Variants in CELF4 observed in about 807,000 individuals in gnomAD.
The protein encoded by CELF4 is CUG-BP- and ETR-3-like factor 4.
Under a neutral mutation model 59.9 loss-of-function variants are expected in CELF4, and 18 were observed. The observed-to-expected ratio is 0.30, with a 90% confidence interval of 0.21 to 0.45. The LOEUF is 0.45. CELF4 is among the 20% of genes least tolerant of loss of function. The pLI is 1.00. For missense variants in CELF4, 456 were observed against 689.0 expected (o/e 0.66, Z 3.79); for synonymous variants, 261 against 267.1 (o/e 0.98, Z 0.22).
At chr18:37,483,044 GTCCCCCTCTGTC>G (rs2154603083) in intron 2 of CELF4, among the ~76,000 whole-genome samples, 2 of 152,210 alleles carry the variant, frequency 1.3e-5, no homozygotes, top group South Asian at 4.1e-4. Context: ...ACAAGAAGAA[GTCCCCCTCTGTC>G]TCTCACCGAA....
chr18:37,354,059 G>T (rs1483714207), intron 2 of CELF4, among the ~76,000 whole-genome samples: 1 of 151,970 alleles, frequency 6.6e-6, no homozygotes, highest in East Asian at 1.9e-4. Flanking sequence ...CTGGCCTGTG[G>T]GGGGACCAGT....
rs573058319 is a variant in CELF4, at chr18:37,477,104, C to T, written c.369+8421G>A. Reference sequence around the variant, plus strand: ...GGAAATGCCAAGGCCAGCAAGGTCGCTCAGCAGATGGGGAGCTGCCTCCCT... The same window carrying T: ...GGAAATGCCAAGGCCAGCAAGGTCGTTCAGCAGATGGGGAGCTGCCTCCCT... On this transcript the variant is annotated intron_variant, in intron 2 of 12. Transcript: ENST00000420428. Among the ~76,000 whole-genome samples, 13 of 152,356 alleles carry T rather than the reference C, an allele frequency of 8.5e-5. No homozygotes were observed. The East Asian group carries it at 2.5e-3, about 29-fold the overall frequency.
At chr18:37,564,685 G>A (rs961190442) in intron 1 of CELF4, among the ~76,000 whole-genome samples, 1 of 151,946 alleles carries the variant, frequency 6.6e-6, no homozygotes, top group African/African-American at 2.4e-5. Flanking sequence ...GGGATGGCTG[G>A]TTCCTTGCTA....
rs146640832 is a variant in CELF4 at position 37,328,661 on chromosome 18, C to T, written c.370-6780G>A. Among the ~76,000 whole-genome samples, 1,085 of 152,344 alleles carry T rather than the reference C, an allele frequency of 7.1e-3. 7 individuals are homozygous for T. The highest frequency in any genetic ancestry group is 0.01 in the Non-Finnish European group (696 of 68,018). The stretch of plus-strand genomic sequence containing the variant: ...CAGTCCTTGCCCACCTACTTGTGGA[C>T]GCGCTTGTGTGGACTTGGCCCTGCT... On this transcript the variant is annotated intron_variant, in intron 2 of 12. Transcript: ENST00000420428.
rs2060867906 is a variant in CELF4, at chr18:37,243,192, T to TTTTTTTTTTTTTTTTTTTTTG, written c.*2049_*2050insCAAAAAAAAAAAAAAAAAAAA. On this transcript the variant is annotated 3_prime_UTR_variant, in exon 13 of 13. Transcript: ENST00000420428. ...CTTTTTTTTTTCTTTTTTTCTTTTT[T>TTTTTTTTTTTTTTTTTTTTTG]TTTTTTTTTTTTTTACATCTGGACA... 1 of 147,188 alleles carries TTTTTTTTTTTTTTTTTTTTTG rather than the reference T, an allele frequency of 6.8e-6. No individual in the cohort carries two copies. Among genetic ancestry groups the TTTTTTTTTTTTTTTTTTTTTG allele is most frequent in the Non-Finnish European group, 1.5e-5 (1 of 66,790 alleles). The allele number at this position is 147,188 out of a possible 1,614,324, so 9.1% of individuals were successfully genotyped here.
In CELF4 at chr18:37,349,934, G is replaced by C. The variant is rs543890059; in HGVS notation, c.370-28053C>G. Among the ~76,000 whole-genome samples, 7 of 152,286 alleles carry C rather than the reference G, an allele frequency of 4.6e-5. No homozygotes were observed. In the East Asian group the frequency reaches 1.4e-3, roughly 29 times the overall value. The stretch of plus-strand genomic sequence containing the variant: ...TTCACAGGGCAAGGGATGGGTGAGG[G>C]GAGAGGCAAGCGGTGGCCCCTCGAT... On this transcript the variant is annotated intron_variant, in intron 2 of 12. Coordinates refer to ENST00000420428, the MANE Select transcript of CELF4 (RefSeq NM_020180.4).
At chr18:37,466,903 T>G (rs563241312) in intron 2 of CELF4, among the ~76,000 whole-genome samples, 1 of 152,198 alleles carries the variant, frequency 6.6e-6, no homozygotes, top group East Asian at 1.9e-4. Context: ...CATAGGAGGA[T>G]GCCAGGCAAA....
In CELF4 at chr18:37,447,581, C is replaced by T. The variant is rs142226494; in HGVS notation, c.369+37944G>A. Among the ~76,000 whole-genome samples the T allele has an allele frequency of 2.6e-3, 394 of 152,326 alleles. 8 individuals are homozygous for T. In the East Asian group the frequency reaches 0.047, roughly 18 times the overall value. ...CTCGCTCCCCAGCCTCCAGGAGCTC[C>T]CCAGGGGCCCTGGCCCACCCAGCAC... On this transcript the variant is annotated intron_variant, in intron 2 of 12. Transcript: ENST00000420428.
At chr18:37,353,863 C>T (rs1430774130) in intron 2 of CELF4, among the ~76,000 whole-genome samples, 5 of 151,272 alleles carry the variant, frequency 3.3e-5, no homozygotes, top group Non-Finnish European at 7.4e-5. Flanking sequence ...TTCCCGCCAT[C>T]CTCCTGCCTC....
intron 2 of CELF4, among the ~76,000 whole-genome samples, chr18:37,407,443 C>G (rs2099397072): frequency 6.6e-6 from 1 of 152,052 alleles, no homozygotes; most frequent in Admixed American, 6.5e-5. Flanking sequence ...TTAATAAAGT[C>G]CAGTAGTGTG....
At chr18:37,331,487 T>A (rs2097540999) in intron 2 of CELF4, among the ~76,000 whole-genome samples, 2 of 152,048 alleles carry the variant, frequency 1.3e-5, no homozygotes, top group Non-Finnish European at 2.9e-5. Context: ...GATAATGATA[T>A]GGCGGGGATT....
At chr18:37,338,790 GT>G (rs1200796161) in intron 2 of CELF4, among the ~76,000 whole-genome samples, 2 of 151,068 alleles carry the variant, frequency 1.3e-5, no homozygotes, top group African/African-American at 4.9e-5. Context: ...GTGTGTGTGT[GT>G]GTGGTGTGTG....
intron 2 of CELF4, among the ~76,000 whole-genome samples, chr18:37,335,074 C>A (rs1245812550): frequency 6.7e-6 from 1 of 149,896 alleles, no homozygotes; most frequent in African/African-American, 2.4e-5. Context: ...TGAGCCTGCA[C>A]CGCCAGCTCG....
At chr18:37,500,875 T>C (rs2099931035) in intron 1 of CELF4, among the ~76,000 whole-genome samples, 1 of 152,212 alleles carries the variant, frequency 6.6e-6, no homozygotes, top group South Asian at 2.1e-4. Context: ...AAGCTGAATG[T>C]ACCCCAGCCC....
chr18:37,560,254 A>C (rs1460740109), intron 1 of CELF4, among the ~76,000 whole-genome samples: 2 of 152,236 alleles, frequency 1.3e-5, no homozygotes, highest in Non-Finnish European at 2.9e-5. Context: ...ATATACGTGC[A>C]TATGTGCATG....
At chr18:37,411,301 G>A (rs1385274157) in intron 2 of CELF4, among the ~76,000 whole-genome samples, 1 of 152,162 alleles carries the variant, frequency 6.6e-6, no homozygotes, top group Admixed American at 6.5e-5. Context: ...TTTATTCAGA[G>A]TTCAGAAGTC....
chr18:37,329,394 G>A (rs542512578), intron 2 of CELF4, among the ~76,000 whole-genome samples: 113 of 152,334 alleles, frequency 7.4e-4, no homozygotes, highest in Middle Eastern at 6.8e-3. Flanking sequence ...CTGAGAAGTC[G>A]AGCCAGACAT....
chr18:37,427,868 C>A (rs1325702298), intron 2 of CELF4, among the ~76,000 whole-genome samples: 7 of 152,226 alleles, frequency 4.6e-5, no homozygotes, highest in Non-Finnish European at 1.0e-4. Context: ...AGACCTGGGT[C>A]TCCCATACAA....
At chr18:37,441,212 C>T (rs1428773545) in intron 2 of CELF4, among the ~76,000 whole-genome samples, 1 of 151,874 alleles carries the variant, frequency 6.6e-6, no homozygotes, top group Non-Finnish European at 1.5e-5. Flanking sequence ...CAGCCAGCTC[C>T]CTGTCTGCTT....
Sources: allele counts gnomAD v4.1 joint callset (sites outside exome capture counted in the v4.1 genomes callset), GRCh38; gene constraint gnomAD v4.1.1; transcripts MANE v1.5; gene names NCBI Gene and HGNC (gene_info 2026-07-23, HGNC 2026-07-21).